Variants in DGKB observed in about 807,000 individuals in gnomAD.
DGKB encodes 90 kDa diacylglycerol kinase.
DGKB carries 67 observed loss-of-function variants against 114.3 expected under a neutral mutation model. The ratio of observed to expected loss-of-function variants is 0.59; its 90% CI spans 0.48 to 0.72. DGKB has a LOEUF of 0.72. Ranked by LOEUF, DGKB falls within the 30% of genes least tolerant of loss-of-function variation. The pLI is 0.00. For missense variants in DGKB, 907 were observed against 975.2 expected (o/e 0.93, Z 0.93); for synonymous variants, 398 against 323.1 (o/e 1.23, Z -2.49).
chr7:14,200,863 A>G (rs1785762241), intron 23 of DGKB, among the ~76,000 whole-genome samples: 1 of 151,992 alleles, frequency 6.6e-6, no homozygotes, highest in African/African-American at 2.4e-5. Flanking sequence ...AAGCCTAAAA[A>G]GTTGTGAGAA....
chr7:14,479,826 T>G (rs2128909025), intron 20 of DGKB, among the ~76,000 whole-genome samples: 1 of 152,236 alleles, frequency 6.6e-6, no homozygotes, highest in South Asian at 2.1e-4. Context: ...ACTTTTACTT[T>G]ATCCCTAATC....
At chr7:14,926,889 G>A (rs1345592935) in intron 1 of DGKB, among the ~76,000 whole-genome samples, 1 of 151,868 alleles carries the variant, frequency 6.6e-6, no homozygotes, top group Non-Finnish European at 1.5e-5. Flanking sequence ...GCTGAATGTG[G>A]TTCCCTACAG....
chr7:14,631,117 C>G (rs1254286305), intron 13 of DGKB, among the ~76,000 whole-genome samples: 1 of 151,408 alleles, frequency 6.6e-6, no homozygotes, highest in African/African-American at 2.4e-5. Context: ...AGGAGGTAGT[C>G]AGAATTCCCT....
intron 21 of DGKB, among the ~76,000 whole-genome samples, chr7:14,365,745 G>T (rs982189093): frequency 2.6e-5 from 4 of 151,942 alleles, no homozygotes; most frequent in Non-Finnish European, 4.4e-5. Flanking sequence ...TTAGTCAAGT[G>T]TTAATAAGCC....
intron 23 of DGKB, among the ~76,000 whole-genome samples, chr7:14,239,685 A>G (rs998446041): frequency 2.0e-5 from 3 of 152,092 alleles, no homozygotes; most frequent in Non-Finnish European, 1.5e-5. Context: ...TGGAATCTAC[A>G]CTAACTTGAT....
At chr7:14,725,976 A>C (rs1459951161) in intron 5 of DGKB, among the ~76,000 whole-genome samples, 1 of 152,228 alleles carries the variant, frequency 6.6e-6, no homozygotes, top group South Asian at 2.1e-4. Context: ...ATTTCAAATG[A>C]AGTACATGTA....
At position 14,183,563 on chromosome 7, in the gene DGKB, C is replaced by T. The variant is rs148014274; in HGVS notation, c.2123-5412G>A. ...CTACTATATGCCTGCTATGAGCAGG[C>T]TCCCTGCTAAGGGATTTATAGGCAT... On this transcript the variant is annotated intron_variant, in intron 23 of 25. Transcript: ENST00000402815. Among the ~76,000 whole-genome samples, 508 of 152,290 alleles carry T rather than the reference C, an allele frequency of 3.3e-3. 1 individual carries two copies. Among genetic ancestry groups the T allele is most frequent in the Non-Finnish European group, 6.3e-3 (427 of 68,014 alleles).
At chr7:14,918,616 T>TA (rs1184151755) in intron 1 of DGKB, among the ~76,000 whole-genome samples, 1 of 152,100 alleles carries the variant, frequency 6.6e-6, no homozygotes, top group African/African-American at 2.4e-5. Flanking sequence ...AAAGGAGAGC[T>TA]AAATAAATAG....
intron 23 of DGKB, among the ~76,000 whole-genome samples, chr7:14,277,422 C>T (rs1799191817): frequency 6.6e-6 from 1 of 152,202 alleles, no homozygotes; most frequent in African/African-American, 2.4e-5. Flanking sequence ...ATCCACCCAC[C>T]TTGGCCTCCC....
At chr7:14,970,672 C>T (rs879371272) in intron 1 of DGKB, among the ~76,000 whole-genome samples, 5 of 152,124 alleles carry the variant, frequency 3.3e-5, no homozygotes, top group Non-Finnish European at 7.3e-5. Flanking sequence ...TTTCATACCC[C>T]TTCCCCTAAA....
At chr7:14,365,300 T>C (rs1042260538) in intron 21 of DGKB, among the ~76,000 whole-genome samples, 1 of 152,050 alleles carries the variant, frequency 6.6e-6, no homozygotes, top group Non-Finnish European at 1.5e-5. Flanking sequence ...TACCAGAATT[T>C]GTCTTCTGAG....
At chr7:14,228,243 GTTA>G (rs1791138825) in intron 23 of DGKB, among the ~76,000 whole-genome samples, 1 of 151,992 alleles carries the variant, frequency 6.6e-6, no homozygotes, top group African/African-American at 2.4e-5. Flanking sequence ...TGGAGTTAGT[GTTA>G]TTATTTTTCA....
intron 22 of DGKB, among the ~76,000 whole-genome samples, chr7:14,340,591 T>C (rs1811448734): frequency 1.3e-5 from 2 of 151,342 alleles, no homozygotes; most frequent in Non-Finnish European, 3.0e-5. Context: ...AAGGATGAAA[T>C]GTCAAGCAGA....
intron 15 of DGKB, 72 bp downstream of exon 15, chr7:14,621,306 A>C: frequency 1.2e-6 from 1 of 842,666 alleles, no homozygotes; most frequent in Non-Finnish European, 2.0e-6. Context: ...TTGATAGCTG[A>C]ACATATGCCC....
At chr7:14,718,394 C>T (rs1184015233) in intron 6 of DGKB, 148 bp downstream of exon 6, 5 of 567,014 alleles carry the variant, frequency 8.8e-6, no homozygotes, top group Non-Finnish European at 1.4e-5. Context: ...GTCTGATCCT[C>T]AGCAGGAGGA....
intron 21 of DGKB, among the ~76,000 whole-genome samples, chr7:14,350,625 T>C (rs1038571544): frequency 2.0e-5 from 3 of 151,544 alleles, no homozygotes; most frequent in Admixed American, 1.3e-4. Context: ...GGTGCATTTG[T>C]TTTATTATTT....
chr7:14,829,971 T>C (rs1372750576), intron 2 of DGKB, among the ~76,000 whole-genome samples: 2 of 152,022 alleles, frequency 1.3e-5, no homozygotes, highest in Non-Finnish European at 2.9e-5. Flanking sequence ...ATCTGATACC[T>C]AGGAAGAGAG....
intron 17 of DGKB, among the ~76,000 whole-genome samples, chr7:14,595,405 T>C (rs1388091155): frequency 1.3e-5 from 2 of 152,000 alleles, no homozygotes; most frequent in Non-Finnish European, 2.9e-5. Flanking sequence ...TTTGAGATAC[T>C]CATGGAACTT....
chr7:14,412,233 T>C (rs1015943126), intron 21 of DGKB, among the ~76,000 whole-genome samples: 1 of 152,160 alleles, frequency 6.6e-6, no homozygotes, highest in Admixed American at 6.6e-5. Context: ...CTTCTGGTGA[T>C]AAAAAGTAAG....
Sources: allele counts gnomAD v4.1 joint callset (sites outside exome capture counted in the v4.1 genomes callset), GRCh38; gene constraint gnomAD v4.1.1; transcripts MANE v1.5; gene names NCBI Gene and HGNC (gene_info 2026-07-23, HGNC 2026-07-21).